Variants in HAO1 observed in about 807,000 individuals in gnomAD.
HAO1 encodes 2-Hydroxyacid oxidase 1.
HAO1 carries 34 observed loss-of-function variants against 39.7 expected under a neutral mutation model. The observed-to-expected ratio is 0.86, with a 90% CI of 0.65 to 1.14. The LOEUF (loss-of-function observed/expected upper bound fraction) is 1.14. Among genes scored for constraint, HAO1 ranks in the 50% most tolerant of loss-of-function variants. The probability of loss-of-function intolerance (pLI) is 0.00; values close to 1 mark genes in which losing one functional copy is unlikely to be tolerated. For missense variants in HAO1, 479 were observed against 464.5 expected (o/e 1.03, Z -0.29); for synonymous variants, 172 against 173.2 (o/e 0.99, Z 0.05).
chr20:7,892,401 CAA>C (rs2050178330), intron 5 of HAO1, among the ~76,000 whole-genome samples: 1 of 152,192 alleles, frequency 6.6e-6, no homozygotes, highest in African/African-American at 2.4e-5. Flanking sequence ...CTACAATATA[CAA>C]AGACTTACTT....
intron 3 of HAO1, among the ~76,000 whole-genome samples, chr20:7,910,466 A>G (rs534651078): frequency 6.6e-6 from 1 of 152,290 alleles, no homozygotes; most frequent in African/African-American, 2.4e-5. Flanking sequence ...TAAACTCAAG[A>G]TATCAATAGG....
intron 4 of HAO1, among the ~76,000 whole-genome samples, chr20:7,900,541 T>A (rs1289037953): frequency 6.6e-6 from 1 of 152,180 alleles, no homozygotes; most frequent in Non-Finnish European, 1.5e-5. Context: ...GATCTGTGAT[T>A]AGTGATCTTT....
intron 2 of HAO1, among the ~76,000 whole-genome samples, chr20:7,930,995 A>G (rs1223625369): frequency 6.6e-6 from 1 of 152,218 alleles, no homozygotes; most frequent in African/African-American, 2.4e-5. Flanking sequence ...GCTGATGACC[A>G]TCAGCTTTCT....
At chr20:7,896,160 ACT>A (rs1473094207) in intron 4 of HAO1, among the ~76,000 whole-genome samples, 11 of 152,176 alleles carry the variant, frequency 7.2e-5, no homozygotes, top group African/African-American at 2.7e-4. Context: ...AAAATAGATT[ACT>A]GTTCTCTTAA....
chr20:7,931,885 T>C (rs1189734603), intron 2 of HAO1, among the ~76,000 whole-genome samples: 1 of 152,222 alleles, frequency 6.6e-6, no homozygotes, highest in Non-Finnish European at 1.5e-5. Context: ...TCTGGAACTT[T>C]AGCTACTTGC....
chr20:7,907,446 C>T (rs547588222), intron 3 of HAO1, among the ~76,000 whole-genome samples: 11 of 152,222 alleles, frequency 7.2e-5, no homozygotes, highest in African/African-American at 2.6e-4. Flanking sequence ...TCAGTTGCCC[C>T]GACTGTAGCT....
Position 7,906,217 on chromosome 20 carries a change from C to T in HAO1, c.658G>A (p.Glu220Lys), listed in dbSNP as rs983777066. The T allele has an allele frequency of 1.2e-6, 2 of 1,612,852 alleles. No individual in the cohort carries two copies. Among genetic ancestry groups the T allele is most frequent in the Non-Finnish European group, 8.5e-7 (1 of 1,179,042 alleles). The change falls in exon 4 of 8, where the codon GAA becomes AAA. Residue 220 changes from glutamate (E) to lysine (K), a missense_variant. Glu to Lys is a moderately conservative substitution (Grantham distance 56). Transcript: ENST00000378789. Reference protein sequence around the residue: ...AKAIDPSISWEDIKWLRRLTS... With the variant: ...AKAIDPSISWKDIKWLRRLTS... ...AGTCTTCTCAGCCATTTGATATCTT[C>T]CCAGCTGATAGATGGGTCTATTGCT...
chr20:7,926,725 G>A (rs893680542), intron 2 of HAO1, among the ~76,000 whole-genome samples: 11 of 152,140 alleles, frequency 7.2e-5, no homozygotes, highest in Admixed American at 5.2e-4. Context: ...AGTCATAGCT[G>A]AGTCCCAAAA....
In HAO1 at chr20:7,906,274, C is replaced by T. The variant is rs113948510; in HGVS notation, c.601G>A (p.Asp201Asn). 1.2e-6 allele frequency: 2 copies of T among 1,612,358 alleles called. No individual in the cohort carries two copies. The highest frequency in any genetic ancestry group is 1.3e-5 in the African/African-American group (1 of 75,006). Reference protein sequence around the residue: ...LSFSPEENFGDDSGLAAYVAK... With the variant: ...LSFSPEENFGNDSGLAAYVAK... ...ACATATGCAGCAAGTCCACTGTCGT[C>T]TCCAAAATTTTCCTCAGGAGAAAAT... The change falls in exon 4 of 8, where the codon GAC (aspartate) becomes AAC (asparagine). Residue 201 changes from aspartate (D) to asparagine (N), a missense_variant. Asp to Asn is a conservative substitution (Grantham distance 23, BLOSUM62 1). Coordinates refer to ENST00000378789, the MANE Select transcript of HAO1 (RefSeq NM_017545.3).
chr20:7,909,360 C>CATATATATATATATATATAT lies in HAO1; in HGVS notation c.546-3032_546-3031insATATATATATATATATATAT, dbSNP rs749171756. ...AATGCTATTTTTATTCGGATTATGACATATATATATATATATATGTATATA... is the reference window on the plus strand; with the variant it reads ...AATGCTATTTTTATTCGGATTATGACATATATATATATATATATATATATATATATATATATATGTATATA... On this transcript the variant is annotated intron_variant, in intron 3 of 7. Transcript: ENST00000378789. Among the ~76,000 whole-genome samples the CATATATATATATATATATAT allele has an allele frequency of 9.2e-4, 100 of 109,034 alleles. 3 individuals are homozygous for CATATATATATATATATATAT. Among genetic ancestry groups the CATATATATATATATATATAT allele is most frequent in the African/African-American group, 3.8e-3 (85 of 22,140 alleles). 71.5% of individuals were successfully genotyped at this position (109,034 alleles called of 152,430 possible). A position where few individuals can be genotyped will look rare whatever the true frequency, so the allele number is the denominator to read the frequency against.
In HAO1 at chr20:7,906,262, G is replaced by C. The variant is rs1283668057; in HGVS notation, c.613C>G (p.Leu205Val). ...ATTGCTTTAGCCACATATGCAGCAAGTCCACTGTCGTCTCCAAAATTTTCC... is the reference window on the plus strand; with the variant it reads ...ATTGCTTTAGCCACATATGCAGCAACTCCACTGTCGTCTCCAAAATTTTCC... ...PEENFGDDSGLAAYVAKAIDP... is the reference protein window; with the variant it reads ...PEENFGDDSGVAAYVAKAIDP... Residue 205 changes from leucine to valine, a missense_variant, in exon 4 of 8, where the codon CTT (leucine) becomes GTT (valine). Transcript: ENST00000378789. The C allele has an allele frequency of 7.4e-6, 12 of 1,611,578 alleles. No individual in the cohort carries two copies. The highest frequency in any genetic ancestry group is 9.3e-6 in the Non-Finnish European group (11 of 1,177,798).
chr20:7,913,419 A>G (rs889983319), intron 3 of HAO1, among the ~76,000 whole-genome samples: 1 of 152,154 alleles, frequency 6.6e-6, no homozygotes, highest in South Asian at 2.1e-4. Context: ...AAACTGAAGG[A>G]AGGAAAATCT....
chr20:7,923,304 C>T (rs1021397390), intron 2 of HAO1, among the ~76,000 whole-genome samples: 2 of 152,156 alleles, frequency 1.3e-5, no homozygotes, highest in East Asian at 3.8e-4. Context: ...TGCAATTGTT[C>T]TTCTAGAGCT....
intron 2 of HAO1, among the ~76,000 whole-genome samples, chr20:7,927,020 T>C (rs1396609987): frequency 6.6e-6 from 1 of 152,126 alleles, no homozygotes; most frequent in Non-Finnish European, 1.5e-5. Context: ...GATAAATGAA[T>C]ATTTAATCCT....
chr20:7,928,330 A>G (rs1280685943), intron 2 of HAO1, among the ~76,000 whole-genome samples: 1 of 151,508 alleles, frequency 6.6e-6, no homozygotes, highest in Non-Finnish European at 1.5e-5. Flanking sequence ...GTAGAGTAAG[A>G]AAAGGTAGCT....
chr20:7,911,624 C>T (rs747691675), intron 3 of HAO1, among the ~76,000 whole-genome samples: 101 of 152,210 alleles, frequency 6.6e-4, no homozygotes, highest in Non-Finnish European at 1.2e-3. Flanking sequence ...ATGTGTTTTG[C>T]ATATGGACCA....
At chr20:7,897,329 C>T (rs537006893) in intron 4 of HAO1, among the ~76,000 whole-genome samples, 12 of 152,264 alleles carry the variant, frequency 7.9e-5, no homozygotes, top group African/African-American at 2.4e-4. Flanking sequence ...TATCAGCATT[C>T]GGAAATTGTT....
chr20:7,896,216 T>C (rs1449314464), intron 4 of HAO1, among the ~76,000 whole-genome samples: 1 of 152,230 alleles, frequency 6.6e-6, no homozygotes, highest in Non-Finnish European at 1.5e-5. Context: ...TTCTAAACTA[T>C]TATTTTTAGC....
chr20:7,932,745 T>C (rs887126018), intron 2 of HAO1, among the ~76,000 whole-genome samples: 7 of 152,170 alleles, frequency 4.6e-5, no homozygotes, highest in Admixed American at 4.6e-4. Flanking sequence ...AATTATAAGA[T>C]GTTTGGGTAT....
Sources: gnomAD v4.1 joint callset for allele counts (sites outside exome capture counted in the v4.1 genomes callset) on GRCh38, gnomAD v4.1.1 for gene constraint, MANE v1.5 for transcripts, NCBI Gene and HGNC (gene_info 2026-07-23, HGNC 2026-07-21) for gene names.